The following RAD54L2 variants were observed in gnomAD, a reference collection of about 807,000 sequenced individuals.
RAD54L2 encodes the protein helicase ARIP4.
RAD54L2 carries 27 observed loss-of-function variants against 138.4 expected under a neutral mutation model. The ratio of observed to expected loss-of-function variants is 0.20; its 90% CI spans 0.14 to 0.27. RAD54L2 has a LOEUF of 0.27. Ranked by LOEUF, RAD54L2 falls within the 10% of genes least tolerant of loss-of-function variation. The pLI is 1.00. For synonymous variants in RAD54L2, 644 were observed against 723.2 expected (o/e 0.89, Z 1.76); for missense variants, 1,396 against 1,890.2 (o/e 0.74, Z 4.85).
intron 3 of RAD54L2, among the ~76,000 whole-genome samples, chr3:51,595,839 G>T (rs1014985892): frequency 6.6e-6 from 1 of 151,658 alleles, no homozygotes; most frequent in Non-Finnish European, 1.5e-5. Context: ...ACACGTTTAG[G>T]GTCTGTTGTT....
chr3:51,582,582 T>C (rs1699631953), intron 2 of RAD54L2, among the ~76,000 whole-genome samples: 1 of 150,588 alleles, frequency 6.6e-6, no homozygotes, highest in Non-Finnish European at 1.5e-5. Context: ...CCCCCACAAC[T>C]CTGCCTTTTT....
rs35877053 is a variant in RAD54L2, at chr3:51,605,089, A to ATT, written c.139+14547_139+14548dup. 2.2e-3 allele frequency among the ~76,000 whole-genome samples: 268 copies of ATT among 123,104 alleles called. 4 individuals carry two copies. The highest frequency in any genetic ancestry group is 4.5e-3 in the East Asian group (19 of 4,182). 80.8% of individuals were successfully genotyped at this position (123,104 alleles called of 152,430 possible). A position where few individuals can be genotyped will look rare whatever the true frequency, so the allele number is the denominator to read the frequency against. On this transcript the variant is annotated intron_variant, in intron 3 of 22. Coordinates refer to ENST00000684192, the MANE Select transcript of RAD54L2 (RefSeq NM_015106.4). The stretch of plus-strand genomic sequence containing the variant: ...AGGTGTGAGCCACCATACCTGGCTA[A>ATT]TTTTTTTTTTTTTTTTTTGAGACTG...
Position 51,634,906 on chromosome 3 carries a change from A to G in RAD54L2, c.1143-687A>G, listed in dbSNP as rs138146021. On this transcript the variant is annotated intron_variant, in intron 9 of 22. Transcript: ENST00000684192. ...TTTCTTGATCCAACAAACCAGCTCT[A>G]CATGCTAACCTTTCCCCTCATTGGT... Among the ~76,000 whole-genome samples the G allele has an allele frequency of 1.3e-3, 199 of 152,342 alleles. 5 individuals carry two copies. In the East Asian group the frequency reaches 0.035, roughly 27 times the overall value.
intron 2 of RAD54L2, among the ~76,000 whole-genome samples, chr3:51,547,667 C>T (rs1400389751): frequency 2.0e-5 from 3 of 150,364 alleles, no homozygotes; most frequent in Admixed American, 6.6e-5. Context: ...CTGCAGCTTC[C>T]ACCTCCTGGG....
intron 3 of RAD54L2, among the ~76,000 whole-genome samples, chr3:51,595,501 A>T (rs969319880): frequency 2.6e-5 from 4 of 152,064 alleles, no homozygotes; most frequent in Admixed American, 2.6e-4. Flanking sequence ...GGAGTGAAAG[A>T]TATTTTTGGC....
At position 51,662,807 on chromosome 3, in the gene RAD54L2, C is replaced by T. The variant is rs1189916037; in HGVS notation, c.3791C>T (p.Ala1264Val). ...CGAAAGTTGGCCACACCACCTGCTG[C>T]CCAGGAGTCATCCCGCCGGCGGTCC... The part of the protein sequence containing the change: ...HKRKLATPPA[A>V]QESSRRRSRK... The change falls in exon 23 of 23, where the codon GCC becomes GTC. Residue 1264 changes from alanine (A) to valine (V), a missense_variant. Transcript: ENST00000684192. The surrounding 1 kb of genome is among the most constrained non-coding windows in gnomAD (Gnocchi z 4.6). 6 of 1,611,126 alleles carry T rather than the reference C, an allele frequency of 3.7e-6. No individual in the cohort carries two copies. The African/African-American group carries it at 5.3e-5, about 14-fold the overall frequency.
At chr3:51,604,027 A>G (rs1700129116) in intron 3 of RAD54L2, among the ~76,000 whole-genome samples, 1 of 152,198 alleles carries the variant, frequency 6.6e-6, no homozygotes, top group Admixed American at 6.5e-5. Context: ...GCAGAAATCT[A>G]AGTAAGAGGC....
intron 2 of RAD54L2, among the ~76,000 whole-genome samples, chr3:51,542,957 T>C (rs936579230): frequency 1.3e-5 from 2 of 152,188 alleles, no homozygotes; most frequent in African/African-American, 2.4e-5. Context: ...CATTGTGTTC[T>C]ATATGGCCCC....
Position 51,645,578 on chromosome 3 carries a change from T to G in RAD54L2, c.2657-13T>G, listed in dbSNP as rs775663685. On this transcript the variant is annotated splice_polypyrimidine_tract_variant and intron_variant, in intron 17 of 22. Coordinates refer to ENST00000684192, the MANE Select transcript of RAD54L2 (RefSeq NM_015106.4). This position sits in a 1 kb window ranked among gnomAD's most constrained non-coding sequence, Gnocchi z 6.1. ...GCCATGTGCTGACTTTCTTCATGTCTTTATCCTTCTAGATCGGGTGGTGGA... is the reference window on the plus strand; with the variant it reads ...GCCATGTGCTGACTTTCTTCATGTCGTTATCCTTCTAGATCGGGTGGTGGA... The G allele has an allele frequency of 6.2e-7, 1 of 1,601,974 alleles. No homozygotes were observed. The highest frequency in any genetic ancestry group is 8.5e-7 in the Non-Finnish European group (1 of 1,174,266).
chr3:51,609,300 A>G (rs971608077), intron 3 of RAD54L2, among the ~76,000 whole-genome samples: 5 of 152,330 alleles, frequency 3.3e-5, no homozygotes, highest in African/African-American at 9.6e-5. Context: ...GGCTCATTAC[A>G]TGCATTAGTT....
chr3:51,630,042 CA>C (rs1399625005), intron 5 of RAD54L2, among the ~76,000 whole-genome samples: 4 of 151,862 alleles, frequency 2.6e-5, no homozygotes, highest in African/African-American at 9.7e-5. Flanking sequence ...TTTAACTTAC[CA>C]AAGGATTGGG....
rs913796968 is a variant in RAD54L2 at position 51,543,407 on chromosome 3, G to A, written c.-55+1757G>A. On this transcript the variant is annotated intron_variant, in intron 2 of 22. Transcript: ENST00000684192. ...GCGGATCACCTGAGGTTGGGAGTTC[G>A]AGACCAGCCTGACCAACATGGAGAA... is the stretch of plus-strand genomic sequence containing the variant. Among the ~76,000 whole-genome samples, 3 of 152,148 alleles carry A rather than the reference G, an allele frequency of 2.0e-5. No individual in the cohort carries two copies. In the South Asian group the frequency reaches 6.2e-4, roughly 32 times the overall value.
At chr3:51,660,385 T>C (rs1701732255) in intron 22 of RAD54L2, among the ~76,000 whole-genome samples, 1 of 151,660 alleles carries the variant, frequency 6.6e-6, no homozygotes, top group Non-Finnish European at 1.5e-5. Flanking sequence ...CTTGGCTCAC[T>C]GCAAGCTCTG....
At chr3:51,587,029 G>A (rs1334367237) in intron 2 of RAD54L2, among the ~76,000 whole-genome samples, 2 of 151,982 alleles carry the variant, frequency 1.3e-5, no homozygotes, top group Non-Finnish European at 2.9e-5. Context: ...CAAAGTTGTT[G>A]ATATCTAATT....
At chr3:51,599,422 A>G (rs1373429817) in intron 3 of RAD54L2, among the ~76,000 whole-genome samples, 6 of 152,164 alleles carry the variant, frequency 3.9e-5, no homozygotes, top group Admixed American at 6.6e-5. Flanking sequence ...TTAAAGCGGC[A>G]TAAGAAAAAC....
intron 3 of RAD54L2, among the ~76,000 whole-genome samples, chr3:51,601,310 CT>C (rs779030766): frequency 3.5e-3 from 425 of 122,972 alleles, no homozygotes; most frequent in Middle Eastern, 5.0e-3. Flanking sequence ...CTGCGCCCGG[CT>C]TTTTTTTTTT....
intron 20 of RAD54L2, among the ~76,000 whole-genome samples, 171 bp downstream of exon 20, chr3:51,656,341 G>C (rs1014636537): frequency 6.6e-6 from 1 of 152,230 alleles, no homozygotes; most frequent in Non-Finnish European, 1.5e-5. Context: ...TTGGATTCTA[G>C]TGAAATATCT....
intron 3 of RAD54L2, among the ~76,000 whole-genome samples, chr3:51,596,465 G>A (rs1699966081): frequency 6.6e-6 from 1 of 152,026 alleles, no homozygotes; most frequent in African/African-American, 2.4e-5. Context: ...AGATTGGAGG[G>A]TAAAGGAGAC....
intron 19 of RAD54L2, among the ~76,000 whole-genome samples, chr3:51,652,657 G>T (rs1344270029): frequency 6.6e-6 from 1 of 152,068 alleles, no homozygotes; most frequent in East Asian, 1.9e-4. Flanking sequence ...TGACAAACCT[G>T]AACAGAAACA....
Sources: gnomAD v4.1 joint callset for allele counts (sites outside exome capture counted in the v4.1 genomes callset) on GRCh38, gnomAD v4.1.1 for gene constraint, Gnocchi (gnomAD v3.1) non-coding constraint, MANE v1.5 for transcripts, NCBI Gene and HGNC (gene_info 2026-07-23, HGNC 2026-07-21) for gene names.